Variants in MBP observed in about 807,000 individuals in gnomAD.
The protein encoded by MBP is Golli-MBP.
MBP carries 16 observed loss-of-function variants against 35.8 expected under a neutral mutation model. The observed-to-expected ratio is 0.45, with a 90% CI of 0.30 to 0.68. MBP has a LOEUF of 0.68. MBP is among the 30% of genes least tolerant of loss of function. The probability of loss-of-function intolerance (pLI) is 0.08; values close to 1 mark genes in which losing one functional copy is unlikely to be tolerated. For missense variants in MBP, 380 were observed against 404.7 expected (o/e 0.94, Z 0.52); for synonymous variants, 143 against 159.6 (o/e 0.90, Z 0.78).
intron 1 of MBP, among the ~76,000 whole-genome samples, chr18:77,122,975 A>T (rs1976935647): frequency 6.6e-6 from 1 of 152,234 alleles, no homozygotes; most frequent in Admixed American, 6.5e-5. Flanking sequence ...GGTATTGAGC[A>T]AATATTTTGC....
At chr18:76,994,451 G>A (rs975601802) in intron 4 of MBP, among the ~76,000 whole-genome samples, 10 of 152,194 alleles carry the variant, frequency 6.6e-5, no homozygotes, top group South Asian at 2.1e-4. Flanking sequence ...GCTCAGTCAC[G>A]CTATGCAGAT....
intron 2 of MBP, among the ~76,000 whole-genome samples, chr18:77,103,810 A>G (rs1568341423): frequency 1.3e-5 from 2 of 152,208 alleles, no homozygotes; most frequent in African/African-American, 2.4e-5. Flanking sequence ...TGAGCGTCTC[A>G]GTGGGAAAAG....
chr18:77,025,705 C>CTTTTTTTTTTTTTTTTT lies in MBP; in HGVS notation c.140-8454_140-8438dup, dbSNP rs540022394. ...GCGGACACTGTCCTCTATTGAAATA[C>CTTTTTTTTTTTTTTTTT]TTTTTTTTTTTTTTTTTTTTACCTA... On this transcript the variant is annotated intron_variant, in intron 3 of 8. Coordinates refer to ENST00000355994, the MANE Select transcript of MBP (RefSeq NM_001025101.2). Among the ~76,000 whole-genome samples, 357 of 108,774 alleles carry CTTTTTTTTTTTTTTTTT rather than the reference C, an allele frequency of 3.3e-3. 53 individuals are homozygous for CTTTTTTTTTTTTTTTTT. The highest frequency in any genetic ancestry group is 0.014 in the African/African-American group (343 of 24,542). 71.4% of individuals were successfully genotyped at this position (108,774 alleles called of 152,430 possible). A position where few individuals can be genotyped will look rare whatever the true frequency, so the allele number is the denominator to read the frequency against.
At chr18:77,118,646 CCACACACACACACACACTACAT>C (rs1976781760) in intron 1 of MBP, among the ~76,000 whole-genome samples, 1 of 135,254 alleles carries the variant, frequency 7.4e-6, no homozygotes, top group African/African-American at 3.0e-5. Flanking sequence ...ACACTACACA[CCACACACACACACACACTACAT>C]ACCACACACA....
intron 4 of MBP, chr18:77,003,447 T>G (rs1970746050): frequency 6.6e-6 from 1 of 152,186 alleles, no homozygotes; most frequent in Non-Finnish European, 1.5e-5. Context: ...CAGAGTAATA[T>G]TTGATTCTTC....
At chr18:77,077,357 CAAAAAA>C (rs56002600) in intron 2 of MBP, among the ~76,000 whole-genome samples, 1 of 107,764 alleles carries the variant, frequency 9.3e-6, no homozygotes, top group Non-Finnish European at 1.8e-5. Flanking sequence ...GACTCCGTCG[CAAAAAA>C]AAAAAAAAAA....
intron 4 of MBP, chr18:77,010,235 C>A: frequency 2.6e-6 from 1 of 383,240 alleles, no homozygotes; most frequent in Non-Finnish European, 4.8e-6. Context: ...TTCTGAGGCC[C>A]TGTATCAAAC....
chr18:77,103,369 C>T (rs7228598), intron 2 of MBP, among the ~76,000 whole-genome samples: 48,171 of 152,086 alleles, frequency 0.32, 9,176 homozygotes, highest in Non-Finnish European at 0.43. Flanking sequence ...ACCCTCACCC[C>T]GGCCCATCTT....
At chr18:76,994,252 G>A (rs543075798) in intron 4 of MBP, among the ~76,000 whole-genome samples, 1 of 152,360 alleles carries the variant, frequency 6.6e-6, no homozygotes, top group Admixed American at 6.5e-5. Context: ...TCCAGGGCAA[G>A]CCACACCGCC....
At chr18:77,121,326 AT>A (rs11331749) in intron 1 of MBP, among the ~76,000 whole-genome samples, 26,402 of 151,632 alleles carry the variant, frequency 0.17, 2,460 homozygotes, top group African/African-American at 0.23. Flanking sequence ...AAAAAAATAA[AT>A]AAATAAGATT....
chr18:77,051,800 C>A (rs779337853), intron 3 of MBP, among the ~76,000 whole-genome samples: 1 of 152,076 alleles, frequency 6.6e-6, no homozygotes, highest in Non-Finnish European at 1.5e-5. Flanking sequence ...GGGGTAGGAG[C>A]GTGAGTGGGG....
chr18:77,048,872 T>A (rs576707163), intron 3 of MBP, among the ~76,000 whole-genome samples: 1 of 152,302 alleles, frequency 6.6e-6, no homozygotes, highest in East Asian at 1.9e-4. Flanking sequence ...AGGGTTGGGA[T>A]TTGAACCCAG....
chr18:76,985,824 G>C (rs1969525923), intron 7 of MBP: 2 of 988,628 alleles, frequency 2.0e-6, no homozygotes, highest in Non-Finnish European at 2.4e-6. Flanking sequence ...CTCAGGTGGA[G>C]GCTGCCAGCT....
At position 77,094,036 on chromosome 18, in the gene MBP, G is replaced by A. The variant is rs545719454; in HGVS notation, c.51+11175C>T. 2.4e-4 allele frequency among the ~76,000 whole-genome samples: 37 copies of A among 151,732 alleles called. No homozygotes were observed. The Middle Eastern group carries it at 0.017, about 70-fold the overall frequency. ...CTGTCGCCCAGGCTGGAGTGCAGTG[G>A]TGCAATCTCGGCTCACTGCAACCTC... On this transcript the variant is annotated intron_variant, in intron 2 of 8. Coordinates refer to ENST00000355994, the MANE Select transcript of MBP (RefSeq NM_001025101.2).
intron 4 of MBP, chr18:77,003,032 T>C (rs1306526677): frequency 6.6e-6 from 1 of 152,238 alleles, no homozygotes; most frequent in African/African-American, 2.4e-5. Flanking sequence ...TGCTGCTGTT[T>C]ACCAAAATAA....
chr18:77,132,923 G>C (rs1977335073), upstream of MBP: 2 of 151,886 alleles, frequency 1.3e-5, no homozygotes, highest in African/African-American at 2.4e-5. Flanking sequence ...CGCCCCGGGA[G>C]CTCGGAGGAC....
chr18:77,034,235 G>A (rs1972666421), intron 3 of MBP, among the ~76,000 whole-genome samples: 1 of 152,056 alleles, frequency 6.6e-6, no homozygotes, highest in South Asian at 2.1e-4. Context: ...CCAGAGAGTG[G>A]CCCCTGGGAC....
chr18:77,049,666 T>A (rs1378260134), intron 3 of MBP, among the ~76,000 whole-genome samples: 4 of 152,154 alleles, frequency 2.6e-5, no homozygotes, highest in Non-Finnish European at 4.4e-5. Flanking sequence ...ATAACTATTT[T>A]ATTTTTAATT....
chr18:77,045,388 C>G (rs475791), intron 3 of MBP, among the ~76,000 whole-genome samples: 5,637 of 38,978 alleles, frequency 0.14, 239 homozygotes, highest in South Asian at 0.29. Context: ...GCAGCACCTG[C>G]CTGCACCAGG....
Sources: allele counts gnomAD v4.1 joint callset (sites outside exome capture counted in the v4.1 genomes callset), GRCh38; gene constraint gnomAD v4.1.1; transcripts MANE v1.5; gene names NCBI Gene and HGNC (gene_info 2026-07-23, HGNC 2026-07-21).